Variants in N4BP2 observed in about 807,000 individuals in gnomAD.
N4BP2 encodes NEDD4-binding protein 2.
A neutral mutation model predicts 152.8 loss-of-function variants in N4BP2; 91 were observed. That is an observed-to-expected ratio of 0.60 (90% CI 0.50 to 0.71). The LOEUF (loss-of-function observed/expected upper bound fraction) is 0.71, where lower values mean the gene tolerates loss of function less well. Among genes scored for constraint, N4BP2 ranks in the 30% least tolerant of loss-of-function variants. N4BP2 has a pLI of 0.00. For missense variants in N4BP2, 1,923 were observed against 2,059.1 expected (o/e 0.93, Z 1.28); for synonymous variants, 646 against 705.3 (o/e 0.92, Z 1.33).
downstream of N4BP2, among the ~76,000 whole-genome samples, chr4:40,159,013 C>G (rs1263133208): frequency 6.6e-6 from 1 of 152,128 alleles, no homozygotes; most frequent in Non-Finnish European, 1.5e-5. Flanking sequence ...CTATGGGATA[C>G]TCTCGTATAT....
At chr4:40,098,748 G>A (rs1175746094) in intron 3 of N4BP2, among the ~76,000 whole-genome samples, 2 of 152,104 alleles carry the variant, frequency 1.3e-5, no homozygotes, top group East Asian at 1.9e-4. Context: ...TGTAATTGTT[G>A]CATATAAACT....
intron 8 of N4BP2, among the ~76,000 whole-genome samples, chr4:40,118,296 A>T (rs904472682): frequency 2.0e-5 from 3 of 152,154 alleles, no homozygotes; most frequent in African/African-American, 4.8e-5. Flanking sequence ...CATGCCTGCA[A>T]TCTCAGCTGC....
chr4:40,120,548 G>A lies in N4BP2; in HGVS notation c.2437G>A (p.Val813Ile), dbSNP rs183553717. The stretch of plus-strand genomic sequence containing the variant: ...CAGAAAAACTGAAAAAACTTCATCC[G>A]TACAAAGCGACAAAAAGTATAATTA... ...RNRKTEKTSS[V>I]QSDKKYNYPQ... Residue 813 changes from valine (V) to isoleucine (I), a missense_variant, in exon 9 of 18, where the codon GTA (valine) becomes ATA (isoleucine). Physicochemically the swap from Val to Ile is conservative, Grantham distance 29. Transcript: ENST00000261435. The A allele has an allele frequency of 1.6e-4, 264 of 1,613,844 alleles. No individual in the cohort carries two copies. Among genetic ancestry groups the A allele is most frequent in the Non-Finnish European group, 1.8e-4 (207 of 1,179,982 alleles).
At chr4:40,173,700 C>T in the N4BP2 span, among the ~76,000 whole-genome samples, 23 of 152,306 alleles carry the variant, frequency 1.5e-4, no homozygotes, top group Admixed American at 1.3e-4. Flanking sequence ...CAGTTAGTCA[C>T]AGTCAAAGTC....
chr4:40,094,095 TA>T, intron 2 of N4BP2, among the ~76,000 whole-genome samples: 2 of 152,222 alleles, frequency 1.3e-5, no homozygotes. Context: ...TATTATATTT[TA>T]AAAATTTTTT....
chr4:40,058,954 G>C (rs1733435829), intron 1 of N4BP2, among the ~76,000 whole-genome samples: 1 of 151,988 alleles, frequency 6.6e-6, no homozygotes, highest in Non-Finnish European at 1.5e-5. Flanking sequence ...TAGAGTAGCT[G>C]GGACTAGAGG....
chr4:40,088,368 CAG>C (rs1714181627), intron 2 of N4BP2, among the ~76,000 whole-genome samples: 1 of 152,114 alleles, frequency 6.6e-6, no homozygotes, highest in African/African-American at 2.4e-5. Context: ...GAATATTTTT[CAG>C]AGTGACTGTA....
chr4:40,144,683 G>A lies in N4BP2; in HGVS notation c.5026G>A (p.Glu1676Lys). 1 of 1,613,944 alleles carries A rather than the reference G, an allele frequency of 6.2e-7. No homozygotes were observed. The highest frequency in any genetic ancestry group is 8.5e-7 in the Non-Finnish European group (1 of 1,179,950). Reference protein sequence around the residue: ...MKEANHLAAIEIFEKVNASLL... With the variant: ...MKEANHLAAIKIFEKVNASLL... ...AGAAGCCAATCACCTTGCTGCCATA[G>A]AGATCTTTGAGAAAGTCAATGCTTC... The change falls in exon 16 of 18, where the codon GAG becomes AAG. Residue 1676 changes from glutamate (E) to lysine (K), a missense_variant. Physicochemically the swap from Glu to Lys is moderately conservative, Grantham distance 56 (BLOSUM62 1). Coordinates refer to ENST00000261435, the MANE Select transcript of N4BP2 (RefSeq NM_018177.6).
downstream of N4BP2, among the ~76,000 whole-genome samples, chr4:40,162,050 TACC>T (rs1404626039): frequency 2.6e-5 from 4 of 152,204 alleles, no homozygotes; most frequent in African/African-American, 9.6e-5. Context: ...GAATGAGCCG[TACC>T]AGTGGATAGA....
intron 14 of N4BP2, among the ~76,000 whole-genome samples, chr4:40,141,773 G>A (rs1170700797): frequency 2.6e-5 from 4 of 152,180 alleles, no homozygotes; most frequent in Non-Finnish European, 5.9e-5. Flanking sequence ...CCGAGATCAC[G>A]CCACTGCACT....
chr4:40,126,990 C>G (rs1163712351), intron 12 of N4BP2, among the ~76,000 whole-genome samples: 2 of 151,688 alleles, frequency 1.3e-5, no homozygotes, highest in African/African-American at 4.8e-5. Context: ...AACTCCTGAC[C>G]TCAAGTGAGC....
At chr4:40,130,751 C>T (rs1363852608) in intron 12 of N4BP2, among the ~76,000 whole-genome samples, 1 of 152,160 alleles carries the variant, frequency 6.6e-6, no homozygotes, top group African/African-American at 2.4e-5. Context: ...ATCCTCCTAC[C>T]TCAGCTATTG....
At chr4:40,151,352 C>A (rs1306822536) in intron 16 of N4BP2, among the ~76,000 whole-genome samples, 1 of 152,076 alleles carries the variant, frequency 6.6e-6, no homozygotes. Flanking sequence ...GTTCACTGCA[C>A]CCTCCACCTC....
intron 14 of N4BP2, chr4:40,142,443 A>C: frequency 2.3e-6 from 1 of 442,744 alleles, no homozygotes; most frequent in Non-Finnish European, 4.1e-6. Flanking sequence ...AGAACTCTTC[A>C]ACATCTCCCG....
chr4:40,188,405 C>A, the N4BP2 span, among the ~76,000 whole-genome samples: 1 of 152,122 alleles, frequency 6.6e-6, no homozygotes, highest in Non-Finnish European at 1.5e-5. Context: ...AACAGTGGTA[C>A]CTACCTCATA....
chr4:40,081,411 C>T (rs1347925231), intron 2 of N4BP2, among the ~76,000 whole-genome samples: 28 of 151,874 alleles, frequency 1.8e-4, no homozygotes, highest in Admixed American at 1.6e-3. Flanking sequence ...TTTGGGAGGC[C>T]GAGGTGGGCG....
At chr4:40,190,048 T>C in the N4BP2 span, among the ~76,000 whole-genome samples, 2 of 152,240 alleles carry the variant, frequency 1.3e-5, no homozygotes, top group Non-Finnish European at 2.9e-5. Flanking sequence ...CCTTTTTAAA[T>C]ATGCACCCTC....
At chr4:40,165,439 G>A in the N4BP2 span, among the ~76,000 whole-genome samples, 2 of 152,102 alleles carry the variant, frequency 1.3e-5, no homozygotes, top group African/African-American at 4.8e-5. Flanking sequence ...AGTAGAGATG[G>A]GGTTTTGCCA....
At chr4:40,181,805 C>T in the N4BP2 span, among the ~76,000 whole-genome samples, 9 of 152,090 alleles carry the variant, frequency 5.9e-5, no homozygotes, top group Non-Finnish European at 1.3e-4. Context: ...AAAAATTAGC[C>T]GAGCATGGTG....
Sources: allele counts gnomAD v4.1 joint callset (sites outside exome capture counted in the v4.1 genomes callset), GRCh38; gene constraint gnomAD v4.1.1; transcripts MANE v1.5; gene names NCBI Gene and HGNC (gene_info 2026-07-23, HGNC 2026-07-21).